The following CFAP58 variants were observed in gnomAD, a reference collection of about 807,000 sequenced individuals.
CFAP58 encodes the protein cilia and flagella associated protein 58, also known as cilia- and flagella-associated protein 58.
A neutral mutation model predicts 119.5 loss-of-function variants in CFAP58; 88 were observed. That is an observed-to-expected ratio of 0.74 (90% confidence interval 0.62 to 0.88). The LOEUF is 0.88. Among genes scored for constraint, CFAP58 ranks in the 40% least tolerant of loss-of-function variants. CFAP58 has a pLI of 0.00. For missense variants in CFAP58, 990 were observed against 1,021.2 expected, an observed-to-expected ratio of 0.97 and a Z score of 0.42; for synonymous variants, 365 against 366.3, an observed-to-expected ratio of 1.00 and a Z score of 0.04.
Position 104,454,436 on chromosome 10 carries a change from C to G in CFAP58, c.2525C>G (p.Ala842Gly), listed in dbSNP as rs771374424. The change falls in exon 18 of 18, where the codon GCA (alanine) becomes GGA (glycine). Residue 842 changes from alanine (A) to glycine (G), a missense_variant. By Grantham distance (60) the Ala-to-Gly change is moderately conservative. Transcript: ENST00000369704. ...CTCTCTTACAGAAACAAGGACACAG[C>G]ACCCATGGATAACACCTTCTTAATG... ...KEQLQKNKDTAPMDNTFLMVK... is the reference protein window; with the variant it reads ...KEQLQKNKDTGPMDNTFLMVK... 9 of 1,613,100 alleles carry G rather than the reference C, an allele frequency of 5.6e-6. No homozygotes were observed. The Admixed American group carries it at 1.5e-4, about 27-fold the overall frequency.
At chr10:104,449,997 T>C in intron 16 of CFAP58, 74 bp from the exon 17 acceptor site, 1 of 1,443,498 alleles carries the variant, frequency 6.9e-7, no homozygotes, top group South Asian at 1.3e-5. Context: ...CTGCGGTAAA[T>C]GGTAGCAGAT....
At chr10:104,393,961 G>A (rs1350586178) in intron 11 of CFAP58, among the ~76,000 whole-genome samples, 1 of 152,152 alleles carries the variant, frequency 6.6e-6, no homozygotes, top group Non-Finnish European at 1.5e-5. Context: ...GGGTGTTAGA[G>A]CTCTGTTCTC....
chr10:104,370,747 C>T (rs2014811402), intron 6 of CFAP58, 148 bp from the exon 7 acceptor site: 2 of 606,304 alleles, frequency 3.3e-6, no homozygotes, highest in Non-Finnish European at 2.6e-6. Context: ...CTCTCAAAAC[C>T]AAATTGTGTG....
chr10:104,416,618 A>G (rs1589928653), intron 15 of CFAP58, among the ~76,000 whole-genome samples: 1 of 152,132 alleles, frequency 6.6e-6, no homozygotes, highest in Non-Finnish European at 1.5e-5. Flanking sequence ...AGGGCTTTCA[A>G]TTTTCTTGAT....
chr10:104,443,632 G>T (rs2013072585), intron 15 of CFAP58, among the ~76,000 whole-genome samples: 1 of 152,232 alleles, frequency 6.6e-6, no homozygotes, highest in South Asian at 2.1e-4. Context: ...GGTGCATGTT[G>T]AATGTGAACT....
At chr10:104,407,778 C>A (rs2012388908) in intron 15 of CFAP58, among the ~76,000 whole-genome samples, 1 of 152,146 alleles carries the variant, frequency 6.6e-6, no homozygotes, top group Admixed American at 6.5e-5. Flanking sequence ...TTCACTGCAG[C>A]CTCTGCCTCC....
At chr10:104,364,940 G>C (rs752399419) in intron 4 of CFAP58, 51 bp downstream of exon 4, 5 of 1,575,948 alleles carry the variant, frequency 3.2e-6, no homozygotes, top group Non-Finnish European at 4.3e-6. Context: ...GAGGATGTTT[G>C]TCCCTCCACA....
At chr10:104,403,635 A>G (rs1395429524) in intron 13 of CFAP58, 94 bp from the exon 14 acceptor site, 2 of 693,854 alleles carry the variant, frequency 2.9e-6, no homozygotes, top group African/African-American at 1.8e-5. Context: ...CCAACTTTTT[A>G]TATAAGACAT....
the CFAP58 span, among the ~76,000 whole-genome samples, chr10:104,339,017 T>G: frequency 6.6e-6 from 1 of 151,946 alleles, no homozygotes; most frequent in Non-Finnish European, 1.5e-5. Flanking sequence ...CGAGCGATTC[T>G]CCTGCCTCAG....
chr10:104,357,010 A>G (rs1041132825), intron 1 of CFAP58, among the ~76,000 whole-genome samples: 1 of 152,222 alleles, frequency 6.6e-6, no homozygotes, highest in African/African-American at 2.4e-5. Context: ...TAGAGCAGCC[A>G]TAACAAAGCA....
intron 15 of CFAP58, among the ~76,000 whole-genome samples, chr10:104,425,326 T>G (rs1265996585): frequency 2.0e-5 from 3 of 151,596 alleles, no homozygotes; most frequent in Admixed American, 1.3e-4. Context: ...ACAACTGGAG[T>G]GTGGGGATGT....
In CFAP58 at chr10:104,353,883, C is replaced by A. The variant is rs1388109756; in HGVS notation, c.-15C>A. The A allele has an allele frequency of 2.5e-6, 4 of 1,613,048 alleles. No individual in the cohort carries two copies. Among genetic ancestry groups the A allele is most frequent in the Non-Finnish European group, 3.4e-6 (4 of 1,179,136 alleles). The stretch of plus-strand genomic sequence containing the variant: ...TCCACAGCAGCCTCTGAGGCCGCCC[C>A]CAGAGAGCATCAGGATGGCTGAGGT... On this transcript the variant is annotated 5_prime_UTR_variant, in exon 1 of 18. Coordinates refer to ENST00000369704, the MANE Select transcript of CFAP58 (RefSeq NM_001008723.2).
intron 17 of CFAP58, 50 bp downstream of exon 17, chr10:104,450,254 TAAG>T: frequency 6.3e-7 from 1 of 1,584,746 alleles, no homozygotes; most frequent in Non-Finnish European, 8.6e-7. Flanking sequence ...TATCTGCACA[TAAG>T]AAAATATTTG....
chr10:104,412,552 A>G (rs2012478285), intron 15 of CFAP58, among the ~76,000 whole-genome samples: 2 of 152,170 alleles, frequency 1.3e-5, no homozygotes, highest in African/African-American at 4.8e-5. Flanking sequence ...TCTCAATTTC[A>G]TCTTTTAAAA....
chr10:104,360,191 C>T (rs963361005), intron 2 of CFAP58, among the ~76,000 whole-genome samples: 4 of 152,144 alleles, frequency 2.6e-5, no homozygotes, highest in African/African-American at 9.7e-5. Flanking sequence ...ACATTCTACT[C>T]GACAGAATTT....
intron 17 of CFAP58, among the ~76,000 whole-genome samples, chr10:104,452,225 T>C (rs11192068): frequency 6.6e-6 from 1 of 151,922 alleles, no homozygotes; most frequent in Non-Finnish European, 1.5e-5. Flanking sequence ...AAAGTATTAA[T>C]AGATTTATTA....
intron 1 of CFAP58, among the ~76,000 whole-genome samples, chr10:104,357,934 CACATATATGTACACATATAT>C (rs1564876034): frequency 1.7e-5 from 2 of 114,634 alleles, no homozygotes; most frequent in Non-Finnish European, 3.3e-5. Flanking sequence ...CACATATACA[CACATATATGTACACATATAT>C]ACACATATAT....
rs371341545 is a variant in CFAP58, at chr10:104,365,843, C to A, written c.627C>A (p.Asn209Lys). ...AACAAGAAATCCAGCAACGTCAGAA[C>A]GAAGCTTCCCGGGAGTTCCGGAAGA... ...QFQQEIQQRQ[N>K]EASREFRKKE... The change falls in exon 5 of 18, where the codon AAC (asparagine) becomes AAA (lysine). Residue 209 changes from asparagine to lysine, a missense_variant. By Grantham distance (94) the Asn-to-Lys change is moderately conservative. Transcript: ENST00000369704. The A allele has an allele frequency of 6.2e-7, 1 of 1,612,204 alleles. No individual in the cohort carries two copies. Among genetic ancestry groups the A allele is most frequent in the Admixed American group, 1.7e-5 (1 of 59,620 alleles).
At chr10:104,358,259 T>A in intron 1 of CFAP58, 82 bp from the exon 2 acceptor site, 1 of 1,406,984 alleles carries the variant, frequency 7.1e-7, no homozygotes, top group South Asian at 1.4e-5. Context: ...GGTGTTTCAT[T>A]CAGAGGTAAT....
Sources: allele counts gnomAD v4.1 joint callset (sites outside exome capture counted in the v4.1 genomes callset), GRCh38; gene constraint gnomAD v4.1.1; transcripts MANE v1.5; gene names NCBI Gene and HGNC (gene_info 2026-07-23, HGNC 2026-07-21).